RTP5: variants seen among roughly 807,000 people sequenced by gnomAD.
RTP5 encodes the protein receptor-transporting protein 5.
Under a neutral mutation model 23.5 loss-of-function variants are expected in RTP5, and 30 were observed. The ratio of observed to expected loss-of-function variants is 1.27; its 90% CI spans 0.95 to 1.73. RTP5 has a LOEUF of 1.73. RTP5 is among the 40% of genes most tolerant of loss of function. The pLI, the probability that RTP5 is intolerant of heterozygous loss-of-function variation, is 0.00. For synonymous variants in RTP5, 354 were observed against 342.1 expected (o/e 1.03, Z -0.38); for missense variants, 807 against 784.2 (o/e 1.03, Z -0.35).
At chr2:241,871,598 CAG>C (rs1701317412) in intron 1 of RTP5, 114 bp from the exon 2 acceptor site, 1 of 1,332,290 alleles carries the variant, frequency 7.5e-7, no homozygotes, top group Non-Finnish European at 9.9e-7. Flanking sequence ...GGATGTGAGG[CAG>C]GGGGCAGCGA....
At chr2:241,870,800 C>T (rs1003816816) in intron 1 of RTP5, among the ~76,000 whole-genome samples, 5 of 152,224 alleles carry the variant, frequency 3.3e-5, no homozygotes, top group Admixed American at 1.3e-4. Flanking sequence ...GCAGCCCCAG[C>T]GCCCGTGGCT....
At chr2:241,870,254 G>T (rs1373969154) in intron 1 of RTP5, among the ~76,000 whole-genome samples, 1 of 152,242 alleles carries the variant, frequency 6.6e-6, no homozygotes, top group African/African-American at 2.4e-5. Context: ...GTGCTGACAG[G>T]TGGGCCCTGG....
chr2:241,873,462 C>A lies in RTP5; in HGVS notation c.*188C>A. On this transcript the variant is annotated 3_prime_UTR_variant, in exon 2 of 2. Coordinates refer to ENST00000343216, the MANE Select transcript of RTP5 (RefSeq NM_173821.3). ...CCGAGACCCCGCCCTGCCTCTGAGA[C>A]CCCGCCTCACCTCTGAGACACCCCC... 1.9e-6 allele frequency: 1 copy of A among 528,504 alleles called. No homozygotes were observed. Among genetic ancestry groups the A allele is most frequent in the South Asian group, 2.4e-5 (1 of 41,874 alleles). The allele number at this position is 528,504 out of a possible 1,614,324, so 32.7% of individuals were successfully genotyped here. A position where few individuals can be genotyped will look rare whatever the true frequency, so the allele number is the denominator to read the frequency against.
Position 241,872,939 on chromosome 2 carries a change from G to A in RTP5, c.1384G>A (p.Glu462Lys), listed in dbSNP as rs546584865. Residue 462 changes from glutamate to lysine, a missense_variant, in exon 2 of 2, where the codon GAG becomes AAG. Glu to Lys is a moderately conservative substitution (Grantham distance 56). Transcript: ENST00000343216. Reference sequence around the variant, plus strand: ...CGACGCCCCTCTGGAGGCCAATGCCGAGGGCCCCATCACGGTTAGTGAGGG... The same window carrying A: ...CGACGCCCCTCTGGAGGCCAATGCCAAGGGCCCCATCACGGTTAGTGAGGG... ...GHDAPLEANA[E>K]GPITVSEGCI... The A allele has an allele frequency of 1.2e-5, 20 of 1,613,022 alleles. No homozygotes were observed. Among genetic ancestry groups the A allele is most frequent in the Middle Eastern group, 1.6e-4 (1 of 6,062 alleles).
rs1000007861 is a variant in RTP5 at position 241,871,223 on chromosome 2, G to A, written c.159-491G>A. The A allele has an allele frequency of 1.3e-5, 5 of 372,708 alleles. No homozygotes were observed. The Admixed American group carries it at 1.6e-4, about 12-fold the overall frequency. The allele number at this position is 372,708 out of a possible 1,614,324, so 23.1% of individuals were successfully genotyped here. The stretch of plus-strand genomic sequence containing the variant: ...GTCAGGACAGGGACCCCCACTTGCT[G>A]AGCCCCCAGGGACAGCCCCCACATG... On this transcript the variant is annotated intron_variant, in intron 1 of 1. Coordinates refer to ENST00000343216, the MANE Select transcript of RTP5 (RefSeq NM_173821.3).
rs13015266 is a variant in RTP5, at chr2:241,873,331, C to T, written c.*57C>T. On this transcript the variant is annotated 3_prime_UTR_variant, in exon 2 of 2. Coordinates refer to ENST00000343216, the MANE Select transcript of RTP5 (RefSeq NM_173821.3). ...GGACCCCGCCTCGCCTCTGAGACAC[C>T]CCCCAACCCCGCCTTTGAGATGCCC... The T allele has an allele frequency of 4.0e-6, 6 of 1,508,400 alleles. No individual in the cohort carries two copies. Among genetic ancestry groups the T allele is most frequent in the Admixed American group, 4.1e-5 (2 of 49,056 alleles). The allele number at this position is 1,508,400 out of a possible 1,614,324, so 93.4% of individuals were successfully genotyped here.
Position 241,872,761 on chromosome 2 carries a change from C to G in RTP5, c.1206C>G (p.His402Gln). 1 of 1,598,538 alleles carries G rather than the reference C, an allele frequency of 6.3e-7. No homozygotes were observed. The highest frequency in any genetic ancestry group is 8.5e-7 in the Non-Finnish European group (1 of 1,170,548). ...GGGQGLVPVGHDALPETNAGG... is the reference protein window; with the variant it reads ...GGGQGLVPVGQDALPETNAGG... ...GCCAGGGCCTCGTCCCAGTGGGTCA[C>G]GACGCCCTGCCAGAGACCAATGCTG... The change falls in exon 2 of 2, where the codon CAC becomes CAG. Residue 402 changes from histidine to glutamine, a missense_variant. By Grantham distance (24) the His-to-Gln change is conservative. Transcript: ENST00000343216.
rs747825272 is a variant in RTP5 at position 241,873,169 on chromosome 2, C to G, written c.1614C>G (p.Ala538=). ...GCCGTGCCTGCCGTAGGCCGCACGC[C>G]GAGCCCTACGAGGACTTCTGGATCT... ...RPGRACRRPH[A]EPYEDFWIWV... is the part of the protein sequence containing the mutation. The change falls in exon 2 of 2, where the codon GCC becomes GCG. Residue 538 remains alanine (A), a synonymous_variant. Transcript: ENST00000343216. 2.5e-6 allele frequency: 4 copies of G among 1,611,644 alleles called. No homozygotes were observed. The highest frequency in any genetic ancestry group is 2.2e-5 in the South Asian group (2 of 91,078).
Position 241,871,886 on chromosome 2 carries a change from C to T in RTP5, c.331C>T (p.Gln111Ter). ...GDCQVRPPGE[Q>*]PFLSRLVLHI... ...CTGCCAGGTGAGGCCCCCGGGCGAGCAGCCCTTCCTCAGCAGGCTGGTCTT... is the reference window on the plus strand; with the variant it reads ...CTGCCAGGTGAGGCCCCCGGGCGAGTAGCCCTTCCTCAGCAGGCTGGTCTT... The change falls in exon 2 of 2, where the codon CAG becomes TAG. Residue 111 changes from glutamine to a stop codon, truncating the protein, a stop_gained. Transcript: ENST00000343216. LOFTEE classifies it low-confidence loss of function (END_TRUNC). The T allele has an allele frequency of 6.4e-7, 1 of 1,555,304 alleles. No individual in the cohort carries two copies. The highest frequency in any genetic ancestry group is 1.4e-5 in the African/African-American group (1 of 74,042).
rs1484269669 is a variant in RTP5 at position 241,872,350 on chromosome 2, T to G, written c.795T>G (p.Ile265Met). The change falls in exon 2 of 2, where the codon ATT (isoleucine) becomes ATG (methionine). Residue 265 changes from isoleucine to methionine, a missense_variant. By Grantham distance (10) the Ile-to-Met change is conservative. Coordinates refer to ENST00000343216, the MANE Select transcript of RTP5 (RefSeq NM_173821.3). ...MPGGKGFPVAIGDPLFHGPGL... is the reference protein window; with the variant it reads ...MPGGKGFPVAMGDPLFHGPGL... ...GGGGCAAAGGCTTCCCGGTGGCCAT[T>G]GGAGACCCCCTCTTCCACGGCCCCG... 1 of 1,610,162 alleles carries G rather than the reference T, an allele frequency of 6.2e-7. No individual in the cohort carries two copies. Among genetic ancestry groups the G allele is most frequent in the Non-Finnish European group, 8.5e-7 (1 of 1,178,940 alleles).
Position 241,871,482 on chromosome 2 carries a change from C to T in RTP5, c.159-232C>T, listed in dbSNP as rs1186432915. Among the ~76,000 whole-genome samples, 4 of 152,198 alleles carry T rather than the reference C, an allele frequency of 2.6e-5. No homozygotes were observed. The East Asian group carries it at 5.8e-4, about 22-fold the overall frequency. On this transcript the variant is annotated intron_variant, in intron 1 of 1. Coordinates refer to ENST00000343216, the MANE Select transcript of RTP5 (RefSeq NM_173821.3). ...GGGCCTGCTTTTGCCTGTGTGTGGC[C>T]GAGGGGCTGGTGGTTTCAGAGCCTC... is the stretch of plus-strand genomic sequence containing the variant.
chr2:241,870,016 C>T (rs958559097), intron 1 of RTP5, 102 bp downstream of exon 1: 54 of 871,654 alleles, frequency 6.2e-5, no homozygotes, highest in Non-Finnish European at 8.0e-5. Context: ...TGTTGGGCCT[C>T]GTCTTGTCCC....
At position 241,873,110 on chromosome 2, in the gene RTP5, T is replaced by A; in HGVS notation, c.1555T>A (p.Cys519Ser). ...QLRSRFHKAR[C>S]GCRREEDERP... ...GAGGTCCAGGTTCCACAAGGCCCGCTGTGGGTGCCGCCGGGAGGAAGACGA... is the reference window on the plus strand; with the variant it reads ...GAGGTCCAGGTTCCACAAGGCCCGCAGTGGGTGCCGCCGGGAGGAAGACGA... Residue 519 changes from cysteine to serine, a missense_variant, in exon 2 of 2, where the codon TGT becomes AGT. By Grantham distance (112) the Cys-to-Ser change is moderately radical. Transcript: ENST00000343216. The A allele has an allele frequency of 6.2e-7, 1 of 1,612,686 alleles. No individual in the cohort carries two copies. The highest frequency in any genetic ancestry group is 8.5e-7 in the Non-Finnish European group (1 of 1,179,950).
At position 241,872,419 on chromosome 2, in the gene RTP5, C is replaced by T. The variant is rs1180045607; in HGVS notation, c.864C>T (p.Phe288=). Residue 288 remains phenylalanine (F), a synonymous_variant, in exon 2 of 2, where the codon TTC becomes TTT. Transcript: ENST00000343216. ...TCCAGACCTTCGAGCTCAAGGGCTT[C>T]CTCTTCAAAGGCCGGGGCTCCCTCT... ...SSIQTFELKG[F]LFKGRGSLCS... 6.2e-7 allele frequency: 1 copy of T among 1,611,934 alleles called. No individual in the cohort carries two copies. The highest frequency in any genetic ancestry group is 1.1e-5 in the South Asian group (1 of 90,960).
chr2:241,873,250 CG>C lies in RTP5; in HGVS notation c.1698del (p.Ile567SerfsTer50). 6.3e-7 allele frequency: 1 copy of C among 1,590,022 alleles called. No homozygotes were observed. The highest frequency in any genetic ancestry group is 8.5e-7 in the Non-Finnish European group (1 of 1,172,494). On this transcript the variant is annotated frameshift_variant, in exon 2 of 2. Transcript: ENST00000343216. LOFTEE classifies it high-confidence loss of function. ...TGATGTGCATGTGTCGGCTGAACCCCGGGATCTACCCGCAGCAAGTGTGACG... is the reference window on the plus strand; with the variant it reads ...TGATGTGCATGTGTCGGCTGAACCCCGGATCTACCCGCAGCAAGTGTGACG... ...WLMCMCRLNPGIYPQQV is the reference protein window; with the variant it reads ...WLMCMCRLNPXIYPQQV
chr2:241,873,109 C>T lies in RTP5; in HGVS notation c.1554C>T (p.Arg518=). ...RQLRSRFHKA[R]CGCRREEDER... ...TGAGGTCCAGGTTCCACAAGGCCCGCTGTGGGTGCCGCCGGGAGGAAGACG... is the reference window on the plus strand; with the variant it reads ...TGAGGTCCAGGTTCCACAAGGCCCGTTGTGGGTGCCGCCGGGAGGAAGACG... The change falls in exon 2 of 2, where the codon CGC becomes CGT. Residue 518 remains arginine, a synonymous_variant. Coordinates refer to ENST00000343216, the MANE Select transcript of RTP5 (RefSeq NM_173821.3). 6.2e-7 allele frequency: 1 copy of T among 1,612,708 alleles called. No homozygotes were observed. The highest frequency in any genetic ancestry group is 1.1e-5 in the South Asian group (1 of 91,066).
chr2:241,873,212 T>C lies in RTP5; in HGVS notation c.1657T>C (p.Cys553Arg). Residue 553 changes from cysteine (C) to arginine (R), a missense_variant, in exon 2 of 2, where the codon TGC (cysteine) becomes CGC (arginine). Cys to Arg is a radical substitution (Grantham distance 180). Transcript: ENST00000343216. ...DFWIWVSMTV[C>R]VFWLMCMCRL... ...CTGGATCTGGGTGTCCATGACCGTG[T>C]GCGTCTTCTGGCTGATGTGCATGTG... The C allele has an allele frequency of 6.2e-7, 1 of 1,606,672 alleles. No individual in the cohort carries two copies. Among genetic ancestry groups the C allele is most frequent in the Non-Finnish European group, 8.5e-7 (1 of 1,179,172 alleles).
chr2:241,871,119 C>CT (rs1701308762), intron 1 of RTP5: 1 of 466,328 alleles, frequency 2.1e-6, no homozygotes, highest in Non-Finnish European at 4.4e-6. Flanking sequence ...CCCAGCAGGG[C>CT]TGCCCGGGCC....
intron 1 of RTP5, 48 bp downstream of exon 1, chr2:241,869,962 G>A: frequency 7.0e-7 from 1 of 1,418,850 alleles, no homozygotes; most frequent in Non-Finnish European, 9.2e-7. Context: ...GGCTGAAGGT[G>A]CTTTTCCACG....
Sources: allele counts gnomAD v4.1 joint callset (sites outside exome capture counted in the v4.1 genomes callset), GRCh38; gene constraint gnomAD v4.1.1; transcripts MANE v1.5; gene names NCBI Gene and HGNC (gene_info 2026-07-23, HGNC 2026-07-21).